NKAIN3: variants seen among roughly 807,000 people sequenced by gnomAD.
NKAIN3 encodes sodium/potassium transporting ATPase interacting 3, also known as sodium/potassium-transporting ATPase subunit beta-1-interacting protein 3.
NKAIN3 carries 25 observed loss-of-function variants against 30.2 expected under a neutral mutation model. That is an observed-to-expected ratio of 0.83 (90% CI 0.60 to 1.16). The LOEUF (loss-of-function observed/expected upper bound fraction) is 1.16. Ranked by LOEUF, NKAIN3 falls within the 50% of genes most tolerant of loss-of-function variation. NKAIN3 has a pLI of 0.00. For synonymous variants in NKAIN3, 91 were observed against 89.6 expected, an observed-to-expected ratio of 1.02 and a Z score of -0.09; for missense variants, 225 against 254.1, an observed-to-expected ratio of 0.89 and a Z score of 0.78.
At position 62,966,190 on chromosome 8, in the gene NKAIN3, CT is replaced by C; in HGVS notation, c.*785del. ...CAGACCTAAACATACAGCTCATGGGCTTGTGGGACAGAAATCACAAACATAG... is the reference window on the plus strand; with the variant it reads ...CAGACCTAAACATACAGCTCATGGGCTGTGGGACAGAAATCACAAACATAG... On this transcript the variant is annotated 3_prime_UTR_variant, in exon 7 of 7. Coordinates refer to ENST00000623646, the MANE Select transcript of NKAIN3 (RefSeq NM_001304533.3). 2.0e-6 allele frequency: 2 copies of C among 984,916 alleles called. No individual in the cohort carries two copies. Among genetic ancestry groups the C allele is most frequent in the Non-Finnish European group, 2.4e-6 (2 of 829,532 alleles). The allele number at this position is 984,916 out of a possible 1,614,324, so 61.0% of individuals were successfully genotyped here.
At chr8:62,962,394 G>C (rs1348884591) in intron 6 of NKAIN3, among the ~76,000 whole-genome samples, 3 of 152,224 alleles carry the variant, frequency 2.0e-5, no homozygotes, top group African/African-American at 7.2e-5. Context: ...ATTTCCAGAT[G>C]ATTGGAGCAA....
At chr8:62,419,380 A>T (rs1184504531) in intron 1 of NKAIN3, among the ~76,000 whole-genome samples, 1 of 152,172 alleles carries the variant, frequency 6.6e-6, no homozygotes, top group Non-Finnish European at 1.5e-5. Flanking sequence ...ATATCTTTGC[A>T]AAGTCATGCT....
intron 1 of NKAIN3, among the ~76,000 whole-genome samples, chr8:62,578,678 T>C (rs907759040): frequency 2.6e-5 from 4 of 152,006 alleles, no homozygotes; most frequent in Non-Finnish European, 5.9e-5. Flanking sequence ...TTTTCCAAAA[T>C]GGTACTAGTT....
chr8:62,509,745 T>A (rs921816966), intron 1 of NKAIN3, among the ~76,000 whole-genome samples: 15 of 152,180 alleles, frequency 9.9e-5, no homozygotes, highest in African/African-American at 3.6e-4. Context: ...TCCTAAATAT[T>A]ATATTATCCA....
intron 1 of NKAIN3, among the ~76,000 whole-genome samples, chr8:62,273,366 T>G (rs1207185632): frequency 6.6e-6 from 1 of 152,174 alleles, no homozygotes; most frequent in Non-Finnish European, 1.5e-5. Flanking sequence ...CTTTTATGTA[T>G]TAATAGTTCT....
chr8:62,896,999 T>C (rs905408737), intron 4 of NKAIN3, among the ~76,000 whole-genome samples: 1 of 150,518 alleles, frequency 6.6e-6, no homozygotes, highest in African/African-American at 2.5e-5. Flanking sequence ...TGTAACAGAA[T>C]CAAATTATAT....
At chr8:62,368,822 GTT>G (rs56844812) in intron 1 of NKAIN3, among the ~76,000 whole-genome samples, 88 of 147,746 alleles carry the variant, frequency 6.0e-4, no homozygotes, top group South Asian at 1.5e-3. Context: ...ACTTTTTCTT[GTT>G]TTTTTTTTTT....
At chr8:62,463,093 T>A (rs1473580165) in intron 1 of NKAIN3, among the ~76,000 whole-genome samples, 1 of 152,214 alleles carries the variant, frequency 6.6e-6, no homozygotes, top group Admixed American at 6.5e-5. Context: ...TACCTTTTTG[T>A]CTCTCCTTTT....
chr8:62,531,639 ACTGT>A (rs1388868184), intron 1 of NKAIN3, among the ~76,000 whole-genome samples: 7 of 152,188 alleles, frequency 4.6e-5, no homozygotes, highest in Non-Finnish European at 7.3e-5. Context: ...TCCCCAGCCG[ACTGT>A]CTGGTGCAGA....
At chr8:62,683,302 G>A (rs553156335) in intron 3 of NKAIN3, among the ~76,000 whole-genome samples, 2 of 152,288 alleles carry the variant, frequency 1.3e-5, no homozygotes, top group East Asian at 1.9e-4. Context: ...CCAAAGTGCT[G>A]AGATTATAGG....
At chr8:62,472,689 C>T (rs560548657) in intron 1 of NKAIN3, among the ~76,000 whole-genome samples, 53 of 152,268 alleles carry the variant, frequency 3.5e-4, no homozygotes, top group Non-Finnish European at 5.3e-4. Context: ...AAGAATAAGT[C>T]CATTCAGTGA....
chr8:62,870,002 C>T (rs962983614), intron 4 of NKAIN3, among the ~76,000 whole-genome samples: 1 of 151,592 alleles, frequency 6.6e-6, no homozygotes, highest in African/African-American at 2.4e-5. Context: ...GATCTCCTGA[C>T]CTCGTGATCC....
chr8:62,337,329 C>T (rs185259318), intron 1 of NKAIN3, among the ~76,000 whole-genome samples: 311 of 152,112 alleles, frequency 2.0e-3, no homozygotes, highest in Middle Eastern at 0.01. Context: ...GGCCATTCAA[C>T]ACAATGATCA....
intron 4 of NKAIN3, among the ~76,000 whole-genome samples, chr8:62,887,693 T>G (rs1392763172): frequency 6.6e-6 from 1 of 152,210 alleles, no homozygotes; most frequent in Non-Finnish European, 1.5e-5. Context: ...ATCCTTTATT[T>G]CTTATACAAT....
intron 1 of NKAIN3, among the ~76,000 whole-genome samples, chr8:62,420,927 T>C (rs1804618652): frequency 6.6e-6 from 1 of 152,158 alleles, no homozygotes; most frequent in South Asian, 2.1e-4. Flanking sequence ...TAAACAGCTA[T>C]ACTACACAGA....
intron 1 of NKAIN3, among the ~76,000 whole-genome samples, chr8:62,359,406 A>T (rs1816474096): frequency 6.6e-6 from 1 of 152,166 alleles, no homozygotes; most frequent in African/African-American, 2.4e-5. Flanking sequence ...CTTATATGTG[A>T]TGTCAGGTCA....
chr8:62,619,879 G>A (rs1367371941), intron 3 of NKAIN3, among the ~76,000 whole-genome samples: 2 of 151,934 alleles, frequency 1.3e-5, no homozygotes, highest in East Asian at 3.9e-4. Flanking sequence ...TGAATTAATC[G>A]AGCACTATCC....
chr8:62,848,114 T>C (rs985581691), intron 4 of NKAIN3, among the ~76,000 whole-genome samples: 1 of 152,198 alleles, frequency 6.6e-6, no homozygotes, highest in African/African-American at 2.4e-5. Context: ...GGTAACATTA[T>C]GCCTCCAGCT....
intron 1 of NKAIN3, among the ~76,000 whole-genome samples, chr8:62,381,413 A>G (rs1033900990): frequency 1.3e-5 from 2 of 152,146 alleles, no homozygotes; most frequent in African/African-American, 4.8e-5. Context: ...GCCCTTTACT[A>G]TATTCTTCTC....
Sources: gnomAD v4.1 joint callset for allele counts (sites outside exome capture counted in the v4.1 genomes callset) on GRCh38, gnomAD v4.1.1 for gene constraint, MANE v1.5 for transcripts, NCBI Gene and HGNC (gene_info 2026-07-23, HGNC 2026-07-21) for gene names.